Variants in PCDH7 observed in about 807,000 individuals in gnomAD.
The protein encoded by PCDH7 is protocadherin-7.
Under a neutral mutation model 58.9 loss-of-function variants are expected in PCDH7, and 17 were observed. That is an observed-to-expected ratio of 0.29 (90% CI 0.20 to 0.43). The LOEUF (loss-of-function observed/expected upper bound fraction) is 0.43. Among genes scored for constraint, PCDH7 ranks in the 20% least tolerant of loss-of-function variants. The pLI is 1.00. For missense variants in PCDH7, 1,274 were observed against 1,441.0 expected (o/e 0.88, Z 1.88); for synonymous variants, 664 against 616.4 (o/e 1.08, Z -1.14).
chr4:30,872,994 T>C (rs1324765714), intron 1 of PCDH7, among the ~76,000 whole-genome samples: 2 of 152,124 alleles, frequency 1.3e-5, no homozygotes, highest in Admixed American at 6.6e-5. Flanking sequence ...GCTTCCCTTA[T>C]TACTCAGCAA....
intron 1 of PCDH7, among the ~76,000 whole-genome samples, chr4:30,753,081 A>G (rs1560333042): frequency 6.6e-6 from 1 of 152,138 alleles, no homozygotes; most frequent in Non-Finnish European, 1.5e-5. Flanking sequence ...AAAGTGAAAG[A>G]GTTCTCAGTG....
At chr4:30,776,820 G>T (rs1722126021) in intron 1 of PCDH7, among the ~76,000 whole-genome samples, 1 of 151,194 alleles carries the variant, frequency 6.6e-6, no homozygotes, top group South Asian at 2.1e-4. Context: ...TACACGTACT[G>T]GTTGTTCTTC....
At chr4:30,835,952 C>T (rs1206661188) in intron 1 of PCDH7, among the ~76,000 whole-genome samples, 1 of 152,132 alleles carries the variant, frequency 6.6e-6, no homozygotes, top group Non-Finnish European at 1.5e-5. Flanking sequence ...GCATGAAACA[C>T]TGCTATATTA....
At chr4:31,009,434 C>T (rs1282139699) in intron 3 of PCDH7, among the ~76,000 whole-genome samples, 1 of 151,802 alleles carries the variant, frequency 6.6e-6, no homozygotes, top group Non-Finnish European at 1.5e-5. Context: ...CACACAGAGA[C>T]GCATTATATA....
chr4:30,738,955 T>A (rs548873769), intron 1 of PCDH7, among the ~76,000 whole-genome samples: 1 of 152,004 alleles, frequency 6.6e-6, no homozygotes, highest in South Asian at 2.1e-4. Flanking sequence ...TCTGAGTGAC[T>A]CTTCACGATT....
chr4:30,791,919 T>C (rs1200343573), intron 1 of PCDH7, among the ~76,000 whole-genome samples: 1 of 152,236 alleles, frequency 6.6e-6, no homozygotes, highest in African/African-American at 2.4e-5. Flanking sequence ...AATTATAAAT[T>C]GTCATATTAT....
intron 3 of PCDH7, among the ~76,000 whole-genome samples, chr4:31,127,888 C>A (rs1718486209): frequency 1.3e-5 from 2 of 151,818 alleles, no homozygotes; most frequent in African/African-American, 4.8e-5. Flanking sequence ...CCAAAATACA[C>A]CAATTTCCAT....
At chr4:30,981,710 T>G (rs1750586759) in intron 3 of PCDH7, among the ~76,000 whole-genome samples, 1 of 152,220 alleles carries the variant, frequency 6.6e-6, no homozygotes, top group Admixed American at 6.5e-5. Context: ...GTTTTCACTC[T>G]CCTTAACCTT....
chr4:31,081,570 A>G (rs1578744855), intron 3 of PCDH7, among the ~76,000 whole-genome samples: 1 of 152,126 alleles, frequency 6.6e-6, no homozygotes, highest in Non-Finnish European at 1.5e-5. Flanking sequence ...GTGTCTTTCA[A>G]TATTGCAACA....
intron 3 of PCDH7, among the ~76,000 whole-genome samples, chr4:30,959,662 C>A (rs149513546): frequency 1.8e-3 from 281 of 152,158 alleles, no homozygotes; most frequent in African/African-American, 6.2e-3. Flanking sequence ...TTTAAAGTGC[C>A]ACGTTAGGCC....
Position 30,722,313 on chromosome 4 carries a change from C to T in PCDH7, c.891C>T (p.Leu297=), listed in dbSNP as rs898310864. ...CCTCGCAGGCCATCCTACGGGTCCT[C>T]ATCACCGACGTGAACGACAACAGCC... The change falls in exon 1 of 2, where the codon CTC becomes CTT. Residue 297 remains leucine, a synonymous_variant. Coordinates refer to ENST00000361762, the Ensembl canonical transcript of PCDH7. This position sits in a 1 kb window ranked among gnomAD's most constrained non-coding sequence, Gnocchi z 7.6. 1 of 1,609,262 alleles carries T rather than the reference C, an allele frequency of 6.2e-7. No homozygotes were observed.
intron 1 of PCDH7, among the ~76,000 whole-genome samples, chr4:30,890,274 T>G (rs1197578228): frequency 6.6e-6 from 1 of 152,116 alleles, no homozygotes; most frequent in Non-Finnish European, 1.5e-5. Context: ...TGTCTGACTT[T>G]CATTTAATGC....
intron 1 of PCDH7, among the ~76,000 whole-genome samples, chr4:30,775,914 G>A (rs1722001332): frequency 6.6e-6 from 1 of 151,994 alleles, no homozygotes; most frequent in Non-Finnish European, 1.5e-5. Flanking sequence ...AAAGATATGA[G>A]TTATGATGCC....
chr4:30,847,770 T>A (rs868605278), intron 1 of PCDH7, among the ~76,000 whole-genome samples: 3 of 152,250 alleles, frequency 2.0e-5, no homozygotes, highest in Middle Eastern at 6.8e-3. Context: ...GAGAATTATA[T>A]ATTTTACCAC....
intron 3 of PCDH7, among the ~76,000 whole-genome samples, chr4:31,094,382 T>C (rs1244775852): frequency 6.6e-6 from 1 of 152,128 alleles, no homozygotes; most frequent in Non-Finnish European, 1.5e-5. Flanking sequence ...TATTACTTAC[T>C]GGCTATTACA....
Position 30,883,048 on chromosome 4 carries a change from G to A in PCDH7, c.71-37105G>A, listed in dbSNP as rs113431174. On this transcript the variant is annotated intron_variant, in intron 1 of 3. Coordinates refer to the PCDH7 transcript ENST00000509759. ...TGACACTGTGCCATATCTTTTGTTG[G>A]CATTGGATTCTGTCAAGTGTGTGCA... Among the ~76,000 whole-genome samples, 585 of 152,216 alleles carry A rather than the reference G, an allele frequency of 3.8e-3. 2 individuals are homozygous for A. Among genetic ancestry groups the A allele is most frequent in the African/African-American group, 0.013 (552 of 41,542 alleles).
intron 1 of PCDH7, among the ~76,000 whole-genome samples, chr4:30,743,359 T>A (rs80166255): frequency 0.024 from 3,584 of 152,084 alleles, 217 homozygotes; most frequent in East Asian, 0.22. Flanking sequence ...GCTTCAGAGC[T>A]AGAGAGGAAA....
At chr4:30,845,969 T>A (rs1450823845) in intron 1 of PCDH7, among the ~76,000 whole-genome samples, 13 of 152,154 alleles carry the variant, frequency 8.5e-5, no homozygotes, top group Admixed American at 8.5e-4. Context: ...TAAGAAATTT[T>A]GAATTTTTGA....
At chr4:30,762,010 C>T (rs1333219320) in intron 1 of PCDH7, among the ~76,000 whole-genome samples, 1 of 152,060 alleles carries the variant, frequency 6.6e-6, no homozygotes, top group Non-Finnish European at 1.5e-5. Flanking sequence ...AGGCTTTTCT[C>T]CAATGTTAAA....
Sources: gnomAD v4.1 joint callset for allele counts (sites outside exome capture counted in the v4.1 genomes callset) on GRCh38, gnomAD v4.1.1 for gene constraint, Gnocchi (gnomAD v3.1) non-coding constraint, MANE v1.5 for transcripts, NCBI Gene and HGNC (gene_info 2026-07-23, HGNC 2026-07-21) for gene names.